PCGF3: variants seen among roughly 807,000 people sequenced by gnomAD.
PCGF3 encodes the protein polycomb group ring finger 3, also known as polycomb group RING finger protein 3.
A neutral mutation model predicts 33.1 loss-of-function variants in PCGF3; 7 were observed. The ratio of observed to expected loss-of-function variants is 0.21; its 90% CI spans 0.12 to 0.40. The LOEUF (loss-of-function observed/expected upper bound fraction) is 0.40. Among genes scored for constraint, PCGF3 ranks in the 10% least tolerant of loss-of-function variants. The pLI is 1.00. For missense variants in PCGF3, 211 were observed against 313.3 expected, an observed-to-expected ratio of 0.67 and a Z score of 2.46; for synonymous variants, 153 against 121.3, an observed-to-expected ratio of 1.26 and a Z score of -1.72.
chr4:734,166 C>T (rs1006470941), intron 4 of PCGF3: 7 of 1,505,454 alleles, frequency 4.6e-6, no homozygotes, highest in Non-Finnish European at 5.4e-6. Context: ...ACCTGATGTG[C>T]GTCCTCACAC....
chr4:757,378 T>C (rs1744814247), intron 8 of PCGF3: 1 of 152,268 alleles, frequency 6.6e-6, no homozygotes, highest in African/African-American at 2.4e-5. Context: ...CCGCTGCTTA[T>C]AGAGACGTGA....
chr4:769,300 G>C (rs995902759), exon 11 of PCGF3: 2 of 152,730 alleles, frequency 1.3e-5, no homozygotes, highest in Admixed American at 1.3e-4. Context: ...TGTTCACAGC[G>C]ATTCAAAGGG....
At chr4:715,261 G>A (rs1742763198) in intron 1 of PCGF3, among the ~76,000 whole-genome samples, 1 of 141,578 alleles carries the variant, frequency 7.1e-6, no homozygotes, top group Non-Finnish European at 1.5e-5. Flanking sequence ...GGGTGTCGGT[G>A]CTGGGACCCT....
At chr4:707,966 C>G (rs1206147495) in intron 1 of PCGF3, among the ~76,000 whole-genome samples, 12 of 128,412 alleles carry the variant, frequency 9.3e-5, no homozygotes, top group African/African-American at 3.3e-4. Context: ...GACCCTGGGA[C>G]AGCCCTGTTT....
intron 8 of PCGF3, among the ~76,000 whole-genome samples, chr4:758,341 G>C (rs1342630585): frequency 2.9e-3 from 205 of 71,156 alleles, no homozygotes; most frequent in East Asian, 4.3e-3. Flanking sequence ...AGTTCTTCTC[G>C]CTCCGGACTC....
chr4:715,516 C>T (rs543652467), intron 1 of PCGF3, among the ~76,000 whole-genome samples: 33 of 127,312 alleles, frequency 2.6e-4, no homozygotes, highest in Admixed American at 4.9e-4. Context: ...GAGAACTGGG[C>T]GTCGGTGCTG....
chr4:743,288 C>CG (rs1175244288), intron 6 of PCGF3, among the ~76,000 whole-genome samples, 186 bp from the exon 7 acceptor site: 4 of 152,172 alleles, frequency 2.6e-5, no homozygotes, highest in East Asian at 1.9e-4. Context: ...GGCGGGTGCC[C>CG]GGGGGGTGCG....
intron 3 of PCGF3, chr4:731,402 G>T: frequency 2.6e-6 from 1 of 379,470 alleles, no homozygotes. Context: ...CTTGGGGGCC[G>T]AGCCTGGGGC....
At chr4:754,489 T>C (rs1303129218) in intron 8 of PCGF3, among the ~76,000 whole-genome samples, 1 of 152,084 alleles carries the variant, frequency 6.6e-6, no homozygotes. Flanking sequence ...CCAGAGCCCC[T>C]GGAGGTAGAA....
Position 749,476 on chromosome 4 carries a change from C to CTTTTT in PCGF3, c.462+4808_462+4812dup, listed in dbSNP as rs71640348. On this transcript the variant is annotated intron_variant, in intron 8 of 10. Transcript: ENST00000362003. The stretch of plus-strand genomic sequence containing the variant: ...ACCATGCCCTGCTGAATTTTCTTTC[C>CTTTTT]TTTTTTTTTTTTTTTTTTTTTTTTG... 6.8e-3 allele frequency among the ~76,000 whole-genome samples: 510 copies of CTTTTT among 75,450 alleles called. 37 individuals are homozygous for CTTTTT. Among genetic ancestry groups the CTTTTT allele is most frequent in the African/African-American group, 0.018 (323 of 17,726 alleles). The allele number at this position is 75,450 out of a possible 152,430, so 49.5% of individuals were successfully genotyped here.
chr4:737,468 A>G, exon 6 of PCGF3: 1 of 1,605,618 alleles, frequency 6.2e-7, no homozygotes. Flanking sequence ...TTTGCCAGTC[A>G]TGACAGAACC....
intron 1 of PCGF3, among the ~76,000 whole-genome samples, chr4:708,218 G>A (rs1379783165): frequency 6.6e-6 from 1 of 152,152 alleles, no homozygotes; most frequent in Non-Finnish European, 1.5e-5. Context: ...GTCACTTAGG[G>A]TCGGGACACT....
intron 3 of PCGF3, among the ~76,000 whole-genome samples, chr4:731,632 A>G (rs1218915058): frequency 4.3e-5 from 3 of 70,316 alleles, no homozygotes. Context: ...CGTGGTCCTC[A>G]GGGGCGTAGG....
At chr4:743,297 C>T (rs1030987645) in intron 6 of PCGF3, among the ~76,000 whole-genome samples, 177 bp from the exon 7 acceptor site, 12 of 152,170 alleles carry the variant, frequency 7.9e-5, no homozygotes, top group African/African-American at 2.2e-4. Context: ...CCGGGGGGTG[C>T]GCTTCCCGCT....
intron 8 of PCGF3, among the ~76,000 whole-genome samples, chr4:759,910 C>T (rs576938812): frequency 6.9e-6 from 1 of 145,972 alleles, no homozygotes; most frequent in Non-Finnish European, 1.5e-5. Context: ...CGCGGCCCCT[C>T]TCCCGAGTTC....
chr4:713,917 C>A (rs1742691559), intron 1 of PCGF3, among the ~76,000 whole-genome samples: 1 of 152,170 alleles, frequency 6.6e-6, no homozygotes, highest in African/African-American at 2.4e-5. Context: ...TTTTAATTTA[C>A]TTTTTTACCC....
exon 11 of PCGF3, chr4:767,467 CCCT>C (rs1375977950): frequency 1.3e-5 from 2 of 152,180 alleles, no homozygotes. Context: ...GGAACTGAAT[CCCT>C]CCTCCCTCCA....
intron 1 of PCGF3, among the ~76,000 whole-genome samples, chr4:718,307 C>T (rs957001176): frequency 3.3e-5 from 5 of 152,034 alleles, no homozygotes; most frequent in Admixed American, 6.5e-5. Flanking sequence ...GAAGCGCCCC[C>T]GAGCTCCCTG....
At position 765,109 on chromosome 4, in the gene PCGF3, TG is replaced by T. The variant is rs764732828; in HGVS notation, c.681+46del. On this transcript the variant is annotated intron_variant, in intron 10 of 10. Transcript: ENST00000362003. ...TTTCAGAGTCTGCTCTGAATGGCAG[TG>T]ACTTTGCTGTGCATCTCTTATCTAA... 6 of 1,334,832 alleles carry T rather than the reference TG, an allele frequency of 4.5e-6. No homozygotes were observed. The East Asian group carries it at 1.4e-4, about 31-fold the overall frequency. The allele number at this position is 1,334,832 out of a possible 1,614,324, so 82.7% of individuals were successfully genotyped here.
Sources: gnomAD v4.1 joint callset for allele counts (sites outside exome capture counted in the v4.1 genomes callset) on GRCh38, gnomAD v4.1.1 for gene constraint, MANE v1.5 for transcripts, NCBI Gene and HGNC (gene_info 2026-07-23, HGNC 2026-07-21) for gene names.